SLC1A7: variants seen among roughly 807,000 people sequenced by gnomAD.
The protein encoded by SLC1A7 is solute carrier family 1 member 7, also known as excitatory amino acid transporter 5.
Under a neutral mutation model 47.7 loss-of-function variants are expected in SLC1A7, and 40 were observed. That is an observed-to-expected ratio of 0.84 (90% CI 0.65 to 1.09). SLC1A7 has a LOEUF of 1.09. SLC1A7 is among the 50% of genes least tolerant of loss of function. The pLI, the probability that SLC1A7 is intolerant of heterozygous loss-of-function variation, is 0.00. For missense variants in SLC1A7, 746 were observed against 769.5 expected (o/e 0.97, Z 0.36); for synonymous variants, 323 against 325.6 (o/e 0.99, Z 0.09).
In SLC1A7 at chr1:53,092,724, C is replaced by T. The variant is rs146037864; in HGVS notation, c.861G>A (p.Arg287=). The T allele has an allele frequency of 6.2e-7, 1 of 1,614,040 alleles. No individual in the cohort carries two copies. The highest frequency in any genetic ancestry group is 2.2e-5 in the East Asian group (1 of 44,874). ...AGKILEMDDP[R]AVGKKLGFYS... ...AGAAGCCCAGCTTCTTGCCGACGGC[C>T]CTGGGGTCGTCCATCTCCAGGATCT... The change falls in exon 7 of 11, where the codon AGG becomes AGA. Residue 287 remains arginine (R), a synonymous_variant. Transcript: ENST00000371494.
In SLC1A7 at chr1:53,089,865, G is replaced by C. The variant is rs369327397; in HGVS notation, c.1296C>G (p.Ile432Met). The change falls in exon 9 of 11, where the codon ATC becomes ATG. Residue 432 changes from isoleucine (I) to methionine (M), a missense_variant. Transcript: ENST00000371494. ...IPQAGLVTMV[I>M]VLTSVGLPTD... The stretch of plus-strand genomic sequence containing the variant: ...TGGGCAGTCCCACGGAGGTGAGCAC[G>C]ATGACCATGGTGACGAGGCCGGCCT... The C allele has an allele frequency of 1.7e-5, 28 of 1,613,826 alleles. No individual in the cohort carries two copies. The highest frequency in any genetic ancestry group is 2.3e-5 in the Non-Finnish European group (27 of 1,179,990).
intron 2 of SLC1A7, among the ~76,000 whole-genome samples, chr1:53,130,275 G>A (rs1644929030): frequency 6.6e-6 from 1 of 152,210 alleles, no homozygotes; most frequent in South Asian, 2.1e-4. Flanking sequence ...TGCATGGCAG[G>A]GGCTGGGCAG....
chr1:53,108,531 G>C, intron 3 of SLC1A7: 1 of 717,004 alleles, frequency 1.4e-6, no homozygotes, highest in Non-Finnish European at 2.6e-6. Flanking sequence ...TGGCCATCGA[G>C]AGGTGAGTGG....
intron 2 of SLC1A7, among the ~76,000 whole-genome samples, chr1:53,129,830 A>C (rs1388675719): frequency 9.2e-6 from 1 of 108,952 alleles, no homozygotes; most frequent in Non-Finnish European, 2.0e-5. Flanking sequence ...GCTGAGTACC[A>C]GGCAGAGGTC....
intron 5 of SLC1A7, among the ~76,000 whole-genome samples, chr1:53,096,352 C>G (rs1306471591): frequency 1.3e-5 from 2 of 150,256 alleles, no homozygotes; most frequent in African/African-American, 4.9e-5. Context: ...TCTCAGTACA[C>G]TCACACCACC....
chr1:53,095,239 G>T (rs1644472163), intron 5 of SLC1A7, among the ~76,000 whole-genome samples: 1 of 150,882 alleles, frequency 6.6e-6, no homozygotes, highest in Non-Finnish European at 1.5e-5. Context: ...GGTAAGCCAG[G>T]CGCATGCTGA....
chr1:53,117,413 A>G (rs1644773560), intron 2 of SLC1A7, among the ~76,000 whole-genome samples: 1 of 152,216 alleles, frequency 6.6e-6, no homozygotes, highest in Admixed American at 6.5e-5. Flanking sequence ...AGATCAAAGT[A>G]CACATGGTGT....
At chr1:53,122,542 C>CCA in intron 2 of SLC1A7, among the ~76,000 whole-genome samples, 1 of 152,204 alleles carries the variant, frequency 6.6e-6, no homozygotes, top group East Asian at 1.9e-4. Flanking sequence ...AGTGCCATGC[C>CCA]CATTAGCGCC....
rs756163099 is a variant in SLC1A7 at position 53,114,960 on chromosome 1, G to A, written c.229C>T (p.Leu77Phe). The A allele has an allele frequency of 6.2e-7, 1 of 1,613,900 alleles. No individual in the cohort carries two copies. Among genetic ancestry groups the A allele is most frequent in the South Asian group, 1.1e-5 (1 of 91,068 alleles). Residue 77 changes from leucine to phenylalanine, a missense_variant, in exon 3 of 11, where the codon CTT becomes TTT. Leu to Phe is a conservative substitution (Grantham distance 22). Coordinates refer to ENST00000371494, the MANE Select transcript of SLC1A7 (RefSeq NM_006671.6). ...GAGGTCTTGGCATCCAGGGAGGCAAGTCCGGACATCAAGCTGGGAGGGCGA... is the reference window on the plus strand; with the variant it reads ...GAGGTCTTGGCATCCAGGGAGGCAAATCCGGACATCAAGCTGGGAGGGCGA... ...PLVVSSLMSG[L>F]ASLDAKTSSR...
chr1:53,090,522 G>A lies in SLC1A7; in HGVS notation c.1226+90C>T, dbSNP rs1002942995. The A allele has an allele frequency of 1.2e-4, 167 of 1,442,246 alleles. 1 individual carries two copies. Among genetic ancestry groups the A allele is most frequent in the Non-Finnish European group, 1.4e-4 (158 of 1,096,942 alleles). 89.3% of individuals were successfully genotyped at this position (1,442,246 alleles called of 1,614,324 possible). A position where few individuals can be genotyped will look rare whatever the true frequency, so the allele number is the denominator to read the frequency against. ...CTGTGCTCCGAGCCCAGGCTCGCTC[G>A]CTTCAGATACCCCTCAAGTCTGGGA... is the stretch of plus-strand genomic sequence containing the variant. On this transcript the variant is annotated intron_variant, in intron 8 of 10. Transcript: ENST00000371494.
intron 5 of SLC1A7, among the ~76,000 whole-genome samples, chr1:53,101,694 TACACTC>T (rs1644583910): frequency 7.1e-6 from 1 of 140,946 alleles, no homozygotes; most frequent in South Asian, 2.3e-4. Context: ...CATGTCTCGG[TACACTC>T]ACACCAGCTT....
In SLC1A7 at chr1:53,137,188, G is replaced by C. The variant is rs555844832; in HGVS notation, c.136-2759C>G. 2.0e-5 allele frequency among the ~76,000 whole-genome samples: 3 copies of C among 150,522 alleles called. No homozygotes were observed. In the South Asian group the frequency reaches 6.3e-4, roughly 31 times the overall value. On this transcript the variant is annotated intron_variant, in intron 1 of 10. Transcript: ENST00000371494. ...TGTAGTCCCAGCTACTCAGGAGGCT[G>C]AAGCACAAGATTCGCTTGAACCCAG... is the stretch of plus-strand genomic sequence containing the variant.
chr1:53,107,791 A>G (rs1394415925), intron 3 of SLC1A7: 1 of 152,194 alleles, frequency 6.6e-6, no homozygotes, highest in Non-Finnish European at 1.5e-5. Flanking sequence ...CCCCGGGAAG[A>G]GTTCCCGGCA....
At position 53,087,940 on chromosome 1, in the gene SLC1A7, T is replaced by C. The variant is rs564269798; in HGVS notation, c.*69A>G. ...GCCCCTGCCGGCTGCTCAGGAGGGT[T>C]GGAGAGTCGAGTTCCTGCCTCAGGA... is the stretch of plus-strand genomic sequence containing the variant. On this transcript the variant is annotated 3_prime_UTR_variant, in exon 11 of 11. Coordinates refer to ENST00000371494, the MANE Select transcript of SLC1A7 (RefSeq NM_006671.6). 5.9e-5 allele frequency: 56 copies of C among 950,086 alleles called. No homozygotes were observed. In the Middle Eastern group the frequency reaches 1.8e-3, roughly 30 times the overall value. 58.9% of individuals were successfully genotyped at this position (950,086 alleles called of 1,614,324 possible).
chr1:53,139,603 C>A (rs1047579839), intron 1 of SLC1A7, among the ~76,000 whole-genome samples: 5 of 152,200 alleles, frequency 3.3e-5, no homozygotes, highest in Non-Finnish European at 7.3e-5. Flanking sequence ...CCAGCCTCAC[C>A]CTGCCTAGTG....
intron 2 of SLC1A7, among the ~76,000 whole-genome samples, chr1:53,122,065 G>A (rs1484424653): frequency 2.0e-5 from 3 of 152,092 alleles, no homozygotes; most frequent in African/African-American, 2.4e-5. Flanking sequence ...GCAGACCTGG[G>A]AATGCTGGGG....
At chr1:53,088,389 G>A in intron 10 of SLC1A7, 162 bp from the exon 11 acceptor site, 1 of 592,334 alleles carries the variant, frequency 1.7e-6, no homozygotes, top group Non-Finnish European at 2.9e-6. Context: ...GGCCTCCCTG[G>A]GCTCCTGTTC....
chr1:53,113,565 A>T (rs775722481), intron 3 of SLC1A7, among the ~76,000 whole-genome samples: 1 of 152,002 alleles, frequency 6.6e-6, no homozygotes, highest in Admixed American at 6.6e-5. Context: ...ATCCCTCCTG[A>T]GCAGCCCTGC....
chr1:53,121,913 T>C (rs2150338191), intron 2 of SLC1A7, among the ~76,000 whole-genome samples: 1 of 151,862 alleles, frequency 6.6e-6, no homozygotes, highest in Admixed American at 6.6e-5. Flanking sequence ...AGACCTGCTT[T>C]GACTCATTGA....
Sources: allele counts gnomAD v4.1 joint callset (sites outside exome capture counted in the v4.1 genomes callset), GRCh38; gene constraint gnomAD v4.1.1; transcripts MANE v1.5; gene names NCBI Gene and HGNC (gene_info 2026-07-23, HGNC 2026-07-21).